The following MEGF11 variants were observed in gnomAD, a reference collection of about 807,000 sequenced individuals.
The protein encoded by MEGF11 is multiple EGF like domains 11.
MEGF11 carries 126 observed loss-of-function variants against 146.6 expected under a neutral mutation model. That is an observed-to-expected ratio of 0.86 (90% CI 0.74 to 1.00). The LOEUF (loss-of-function observed/expected upper bound fraction) is 1.00. Ranked by LOEUF, MEGF11 falls within the 50% of genes least tolerant of loss-of-function variation. The pLI, the probability that MEGF11 is intolerant of heterozygous loss-of-function variation, is 0.00. For synonymous variants in MEGF11, 532 were observed against 583.4 expected (o/e 0.91, Z 1.27); for missense variants, 1,509 against 1,521.2 (o/e 0.99, Z 0.13).
At chr15:65,998,250 G>C (rs2082258641) in intron 5 of MEGF11, among the ~76,000 whole-genome samples, 1 of 152,142 alleles carries the variant, frequency 6.6e-6, no homozygotes, top group East Asian at 1.9e-4. Flanking sequence ...CATCATCCCT[G>C]GTAGGCCAGT....
At chr15:66,188,135 A>G (rs552231985) in intron 1 of MEGF11, among the ~76,000 whole-genome samples, 2 of 151,858 alleles carry the variant, frequency 1.3e-5, no homozygotes, top group Non-Finnish European at 2.9e-5. Context: ...CCCATGCCCC[A>G]TCCTTACCCC....
chr15:65,909,784 C>T lies in MEGF11; in HGVS notation c.2852G>A (p.Arg951Lys). 6.3e-7 allele frequency: 1 copy of T among 1,583,984 alleles called. No homozygotes were observed. The highest frequency in any genetic ancestry group is 1.7e-4 in the Middle Eastern group (1 of 6,052). Reference sequence around the variant, plus strand: ...GTAGGGGGTCCAGCCTGCTGTGTCTCTGTCAAGGGACTTGTTACTGAGCTG... The same window carrying T: ...GTAGGGGGTCCAGCCTGCTGTGTCTTTGTCAAGGGACTTGTTACTGAGCTG... ...PTKLSNKSLD[R>K]DTAGWTPYSY... The change falls in exon 22 of 26, where the codon AGA (arginine) becomes AAA (lysine). Residue 951 changes from arginine (R) to lysine (K), a missense_variant. Arg to Lys is a conservative substitution (Grantham distance 26, BLOSUM62 2). Coordinates refer to ENST00000395614, the MANE Select transcript of MEGF11 (RefSeq NM_001385028.1).
intron 1 of MEGF11, among the ~76,000 whole-genome samples, chr15:66,207,753 T>C (rs1361959054): frequency 1.3e-5 from 2 of 152,178 alleles, no homozygotes; most frequent in South Asian, 2.1e-4. Flanking sequence ...GGGCACAGAA[T>C]GTATGATGTA....
intron 1 of MEGF11, among the ~76,000 whole-genome samples, chr15:66,223,189 T>C (rs1295810164): frequency 1.3e-5 from 2 of 152,208 alleles, no homozygotes; most frequent in Non-Finnish European, 2.9e-5. Context: ...TAGTTCATGC[T>C]ACAACACGGA....
At chr15:66,190,601 A>C (rs1326374646) in intron 1 of MEGF11, among the ~76,000 whole-genome samples, 1 of 152,130 alleles carries the variant, frequency 6.6e-6, no homozygotes, top group Non-Finnish European at 1.5e-5. Flanking sequence ...GGTGGCCAAG[A>C]GATAGCACCC....
At chr15:66,140,731 G>C (rs568647722) in intron 1 of MEGF11, among the ~76,000 whole-genome samples, 1 of 152,184 alleles carries the variant, frequency 6.6e-6, no homozygotes, top group East Asian at 1.9e-4. Flanking sequence ...GAAAGAAAAA[G>C]GAATAGGGGT....
chr15:66,033,917 A>G (rs1209679845), intron 5 of MEGF11, among the ~76,000 whole-genome samples: 1 of 152,054 alleles, frequency 6.6e-6, no homozygotes, highest in Non-Finnish European at 1.5e-5. Flanking sequence ...CAGCCTCCCC[A>G]GTAGCTGGGA....
In MEGF11 at chr15:66,165,974, G is replaced by A. The variant is rs140036675; in HGVS notation, c.-8-37563C>T. 9.5e-4 allele frequency among the ~76,000 whole-genome samples: 144 copies of A among 152,246 alleles called. No individual in the cohort carries two copies. The Middle Eastern group carries it at 0.01, about 11-fold the overall frequency. ...GCTGAGCTCTGAAAAGCAGGAGGAG[G>A]AAGTCACAAAGCCCCTCCAGCTATA... On this transcript the variant is annotated intron_variant, in intron 1 of 25. Coordinates refer to ENST00000395614, the MANE Select transcript of MEGF11 (RefSeq NM_001385028.1).
chr15:66,166,535 G>A (rs1343364952), intron 1 of MEGF11, among the ~76,000 whole-genome samples: 3 of 152,090 alleles, frequency 2.0e-5, no homozygotes, highest in Admixed American at 6.5e-5. Context: ...TCACAACCGG[G>A]ATAAACCCAA....
intron 5 of MEGF11, among the ~76,000 whole-genome samples, chr15:66,037,877 G>T (rs2083787430): frequency 1.3e-5 from 2 of 152,182 alleles, no homozygotes; most frequent in South Asian, 2.1e-4. Flanking sequence ...GGAAGAGGAG[G>T]TGATCGGGAC....
At chr15:65,920,605 T>A (rs1462123721) in intron 15 of MEGF11, among the ~76,000 whole-genome samples, 1 of 152,252 alleles carries the variant, frequency 6.6e-6, no homozygotes, top group African/African-American at 2.4e-5. Flanking sequence ...TTGGTCGACT[T>A]CTTAGCTGAA....
intron 5 of MEGF11, among the ~76,000 whole-genome samples, chr15:66,041,848 T>C (rs1220134437): frequency 6.6e-6 from 1 of 151,896 alleles, no homozygotes; most frequent in Non-Finnish European, 1.5e-5. Context: ...AGACACAGAG[T>C]AGCTAAGTTA....
intron 4 of MEGF11, among the ~76,000 whole-genome samples, chr15:66,109,994 C>A (rs1489405786): frequency 6.6e-6 from 1 of 152,172 alleles, no homozygotes; most frequent in Admixed American, 6.5e-5. Flanking sequence ...AGCTTCACAA[C>A]CAGCAGGACA....
intron 8 of MEGF11, chr15:65,965,409 G>C: frequency 2.6e-6 from 1 of 377,552 alleles, no homozygotes. Context: ...AATTAAAGTT[G>C]TGGTGAAATA....
chr15:66,170,832 G>A (rs1012205685), intron 1 of MEGF11, among the ~76,000 whole-genome samples: 5 of 152,026 alleles, frequency 3.3e-5, no homozygotes, highest in African/African-American at 1.2e-4. Flanking sequence ...CCAGGAGGTG[G>A]TCAATTCCCC....
Position 65,982,195 on chromosome 15 carries a change from C to G in MEGF11, c.641+47G>C. Reference sequence around the variant, plus strand: ...CTCCCCACCCAGGCACCCTCCAGGTCCCGCCCCTCCAGGTCCCGCCCCTCC... The same window carrying G: ...CTCCCCACCCAGGCACCCTCCAGGTGCCGCCCCTCCAGGTCCCGCCCCTCC... On this transcript the variant is annotated intron_variant, in intron 6 of 25. Coordinates refer to ENST00000395614, the MANE Select transcript of MEGF11 (RefSeq NM_001385028.1). The surrounding 1 kb of genome is among the most constrained non-coding windows in gnomAD (Gnocchi z 5.6). 3.6e-6 allele frequency: 4 copies of G among 1,125,536 alleles called. No individual in the cohort carries two copies. Among genetic ancestry groups the G allele is most frequent in the Admixed American group, 2.3e-5 (1 of 43,996 alleles). The allele number at this position is 1,125,536 out of a possible 1,614,324, so 69.7% of individuals were successfully genotyped here. A position where few individuals can be genotyped will look rare whatever the true frequency, so the allele number is the denominator to read the frequency against.
At chr15:66,173,419 G>A (rs1316983660) in intron 1 of MEGF11, among the ~76,000 whole-genome samples, 3 of 152,076 alleles carry the variant, frequency 2.0e-5, no homozygotes, top group South Asian at 2.1e-4. Context: ...GGTTTCAAGC[G>A]ATTCTCCTGC....
At chr15:66,053,725 T>C (rs1259237034) in intron 5 of MEGF11, among the ~76,000 whole-genome samples, 280 of 137,498 alleles carry the variant, frequency 2.0e-3, no homozygotes, top group Middle Eastern at 6.8e-3. Flanking sequence ...ATTTTTTTTT[T>C]TTTTTTTTTT....
chr15:66,111,656 T>C (rs2087416779), intron 4 of MEGF11, among the ~76,000 whole-genome samples: 1 of 152,052 alleles, frequency 6.6e-6, no homozygotes, highest in Non-Finnish European at 1.5e-5. Context: ...GTAGGGGGGA[T>C]TTGAACATGC....
Sources: allele counts gnomAD v4.1 joint callset (sites outside exome capture counted in the v4.1 genomes callset), GRCh38; gene constraint gnomAD v4.1.1; non-coding constraint Gnocchi (gnomAD v3.1); transcripts MANE v1.5; gene names NCBI Gene and HGNC (gene_info 2026-07-23, HGNC 2026-07-21).